The following LONRF3 variants were observed in gnomAD, a reference collection of about 807,000 sequenced individuals.
The protein encoded by LONRF3 is LON peptidase N-terminal domain and ring finger 3, also known as LON peptidase N-terminal domain and RING finger protein 3.
Under a neutral mutation model 51.7 loss-of-function variants are expected in LONRF3, and 19 were observed. The ratio of observed to expected loss-of-function variants is 0.37; its 90% CI spans 0.26 to 0.54. The LOEUF (loss-of-function observed/expected upper bound fraction) is 0.54, where lower values mean the gene tolerates loss of function less well. Ranked by LOEUF, LONRF3 falls within the 20% of genes least tolerant of loss-of-function variation. The pLI is 0.86. For synonymous variants in LONRF3, 265 were observed against 257.8 expected, an observed-to-expected ratio of 1.03 and a Z score of -0.27; for missense variants, 521 against 623.9, an observed-to-expected ratio of 0.84 and a Z score of 1.76.
In LONRF3 at chrX:118,989,520, T is replaced by C. The variant is rs912546125; in HGVS notation, c.1172T>C (p.Met391Thr). 8.3e-7 allele frequency: 1 copy of C among 1,211,090 alleles called. No individual in the cohort carries two copies. The highest frequency in any genetic ancestry group is 1.1e-6 in the Non-Finnish European group (1 of 895,345). Residue 391 changes from methionine (M) to threonine (T), a missense_variant, in exon 4 of 11, where the codon ATG becomes ACG. This residue lies in a region of LONRF3 where 376 missense variants were observed against 376.7 expected (regional missense o/e 1.00). Transcript: ENST00000371628. ...KVKGDGQQHHMKDQEEEEEKW... is the reference protein window; with the variant it reads ...KVKGDGQQHHTKDQEEEEEKW... ...AAGGGGGATGGTCAGCAGCACCACA[T>C]GAAAGACCAGGAAGAAGAGGAGGAG...
intron 7 of LONRF3, among the ~76,000 whole-genome samples, chrX:119,009,757 T>A (rs1045197601): frequency 5.4e-5 from 6 of 111,486 alleles, no homozygotes; most frequent in South Asian, 3.8e-4. Flanking sequence ...ATTTAATAAC[T>A]TGAGTTCTTA....
chrX:119,005,990 G>A (rs950292480), intron 5 of LONRF3, 131 bp from the exon 6 acceptor site: 1 of 405,469 alleles, frequency 2.5e-6, no homozygotes. Flanking sequence ...TATAACAATA[G>A]CGACTTTTTA....
intron 6 of LONRF3, among the ~76,000 whole-genome samples, chrX:119,007,202 T>C (rs961715814): frequency 1.8e-5 from 2 of 112,571 alleles, no homozygotes; most frequent in Admixed American, 9.4e-5. Flanking sequence ...CCTGATACAC[T>C]GTAATCTTGA....
rs748334311 is a variant in LONRF3 at position 118,975,468 on chromosome X, A to T, written c.688A>T (p.Ser230Cys). 2.5e-6 allele frequency: 3 copies of T among 1,195,881 alleles called. No individual in the cohort carries two copies. The highest frequency in any genetic ancestry group is 3.4e-6 in the Non-Finnish European group (3 of 888,706). ...GCCGCTGCGAGTCAACGTGGTGCTC[A>T]GCGGCCTCCTCGGCAAGTTGTTTCC... ...PPPLRVNVVLSGLLGKLFPGP... is the reference protein window; with the variant it reads ...PPPLRVNVVLCGLLGKLFPGP... The change falls in exon 1 of 11, where the codon AGC (serine) becomes TGC (cysteine). Residue 230 changes from serine (S) to cysteine (C), a missense_variant. Ser to Cys is a moderately radical substitution (Grantham distance 112). Around this residue, in one of 2 missense-constraint regions of LONRF3, gnomAD observed 376 missense variants for 376.7 expected, o/e 1.00. Transcript: ENST00000371628.
In LONRF3 at chrX:118,975,180, G is replaced by A; in HGVS notation, c.400G>A (p.Gly134Ser). ...APPDEGSTAS[G>S]TVAAEETGAA... ...CCCGGACGAGGGTAGCACTGCAAGC[G>A]GCACCGTGGCGGCGGAAGAGACGGG... Residue 134 changes from glycine (G) to serine (S), a missense_variant, in exon 1 of 11, where the codon GGC becomes AGC. Gly to Ser is a moderately conservative substitution (Grantham distance 56). Coordinates refer to ENST00000371628, the MANE Select transcript of LONRF3 (RefSeq NM_001031855.3). 1.7e-6 allele frequency: 2 copies of A among 1,178,607 alleles called. No homozygotes were observed. Among genetic ancestry groups the A allele is most frequent in the South Asian group, 1.9e-5 (1 of 53,705 alleles).
intron 3 of LONRF3, among the ~76,000 whole-genome samples, chrX:118,983,205 G>A (rs62599016): frequency 8.9e-6 from 1 of 111,958 alleles, no homozygotes; most frequent in Non-Finnish European, 1.9e-5. Context: ...TTGACTCAGG[G>A]TCTGGATTGT....
At chrX:119,002,262 C>T (rs137993161) in intron 5 of LONRF3, among the ~76,000 whole-genome samples, 1 of 112,152 alleles carries the variant, frequency 8.9e-6, no homozygotes, top group East Asian at 2.8e-4. Context: ...CCTCCCTACC[C>T]CAACCACTAT....
chrX:118,989,772 G>A, intron 4 of LONRF3, 100 bp downstream of exon 4: 1 of 926,540 alleles, frequency 1.1e-6, no homozygotes. Context: ...CTTAGGCTCT[G>A]GGTGTGGGGC....
intron 5 of LONRF3, among the ~76,000 whole-genome samples, chrX:118,997,226 A>G (rs1196733562): frequency 3.6e-5 from 4 of 112,238 alleles, no homozygotes; most frequent in Admixed American, 2.8e-4. Flanking sequence ...AAACTATACT[A>G]TAAGGCCATA....
Position 118,978,418 on chromosome X carries a change from G to C in LONRF3, c.891G>C (p.Leu297=). 1 of 1,206,992 alleles carries C rather than the reference G, an allele frequency of 8.3e-7. No homozygotes were observed. Among genetic ancestry groups the C allele is most frequent in the South Asian group, 1.8e-5 (1 of 56,785 alleles). The part of the protein sequence containing the change: ...YFTLESHENA[L]HDAEIACKLR... ...CCTTGGAGTCTCATGAGAATGCACT[G>C]CATGATGCAGAAATAGCATGTAAGC... is the stretch of plus-strand genomic sequence containing the variant. Residue 297 remains leucine (L), a synonymous_variant, in exon 2 of 11, where the codon CTG becomes CTC. Coordinates refer to ENST00000371628, the MANE Select transcript of LONRF3 (RefSeq NM_001031855.3).
intron 7 of LONRF3, among the ~76,000 whole-genome samples, chrX:119,009,920 C>T (rs1924988395): frequency 9.0e-6 from 1 of 110,612 alleles, no homozygotes; most frequent in Non-Finnish European, 1.9e-5. Context: ...CAGGCATGCA[C>T]CACCATGCCC....
intron 5 of LONRF3, among the ~76,000 whole-genome samples, chrX:119,002,178 C>T (rs753427734): frequency 8.9e-6 from 1 of 111,922 alleles, no homozygotes; most frequent in African/African-American, 3.2e-5. Context: ...TTATGTAACC[C>T]CTCTCAGTTC....
intron 3 of LONRF3, among the ~76,000 whole-genome samples, chrX:118,987,922 G>A: frequency 8.9e-6 from 1 of 112,136 alleles, no homozygotes; most frequent in Non-Finnish European, 1.9e-5. Context: ...AGGAAGACAG[G>A]TATTTGTACC....
At chrX:118,994,781 A>G (rs1203441423) in intron 5 of LONRF3, among the ~76,000 whole-genome samples, 1 of 112,041 alleles carries the variant, frequency 8.9e-6, no homozygotes, top group Non-Finnish European at 1.9e-5. Context: ...GTCCAACAGG[A>G]AAATATCACA....
At chrX:118,987,511 C>G (rs1375142743) in intron 3 of LONRF3, among the ~76,000 whole-genome samples, 1 of 81,775 alleles carries the variant, frequency 1.2e-5, no homozygotes, top group African/African-American at 4.9e-5. Context: ...CTAGGCTGGT[C>G]TCGAACTCCT....
Position 118,974,669 on chromosome X carries a change from C to G in LONRF3, c.-112C>G. The G allele has an allele frequency of 1.5e-6, 1 of 663,838 alleles. No individual in the cohort carries two copies. 54.7% of individuals were successfully genotyped at this position (663,838 alleles called of 1,213,427 possible). On this transcript the variant is annotated 5_prime_UTR_variant, in exon 1 of 11. Transcript: ENST00000371628. ...GGAGCTCCCGGAGGCGCGGCAGGGT[C>G]AGGAGCTCGGTGGCATGGCGGCGGT... is the stretch of plus-strand genomic sequence containing the variant.
At chrX:118,998,862 G>T (rs1305514181) in intron 5 of LONRF3, among the ~76,000 whole-genome samples, 1 of 111,343 alleles carries the variant, frequency 9.0e-6, no homozygotes, top group African/African-American at 3.3e-5. Flanking sequence ...GCTTCACCAT[G>T]TTGGTCAGGC....
rs1236066530 is a variant in LONRF3, at chrX:118,987,213, C to G, written c.1060-2195C>G. 8.3e-6 allele frequency: 4 copies of G among 482,109 alleles called. No individual in the cohort carries two copies. The African/African-American group carries it at 9.8e-5, about 12-fold the overall frequency. The allele number at this position is 482,109 out of a possible 1,213,427, so 39.7% of individuals were successfully genotyped here. ...AAATTGAGTCACTAGTGGTTCTGTT[C>G]TTTGCAAAGAACCTCTTAAAGATGC... On this transcript the variant is annotated intron_variant, in intron 3 of 10. Transcript: ENST00000371628.
In LONRF3 at chrX:118,975,145, C is replaced by G. The variant is rs61730253; in HGVS notation, c.365C>G (p.Ala122Gly). The change falls in exon 1 of 11, where the codon GCG (alanine) becomes GGG (glycine). Residue 122 changes from alanine to glycine, a missense_variant. Ala to Gly is a moderately conservative substitution (Grantham distance 60). Coordinates refer to ENST00000371628, the MANE Select transcript of LONRF3 (RefSeq NM_001031855.3). ...AEKVPQGEALAPAPPDEGSTA... is the reference protein window; with the variant it reads ...AEKVPQGEALGPAPPDEGSTA... ...AAAGTCCCGCAAGGCGAGGCGCTGG[C>G]GCCGGCGCCCCCGGACGAGGGTAGC... 8,168 of 1,168,253 alleles carry G rather than the reference C, an allele frequency of 7.0e-3. 161 individuals carry two copies. The African/African-American group carries it at 0.077, about 11-fold the overall frequency.
Sources: allele counts gnomAD v4.1 joint callset (sites outside exome capture counted in the v4.1 genomes callset), GRCh38; gene constraint gnomAD v4.1.1; regional missense constraint gnomAD v4.1.1; transcripts MANE v1.5; gene names NCBI Gene and HGNC (gene_info 2026-07-23, HGNC 2026-07-21).